ZHX2: variants seen among roughly 807,000 people sequenced by gnomAD.
ZHX2 encodes the protein zinc fingers and homeoboxes protein 2.
In ZHX2, 6 loss-of-function variants were observed where a neutral mutation model predicts 21.9. The ratio of observed to expected loss-of-function variants is 0.27; its 90% CI spans 0.15 to 0.54. The LOEUF (loss-of-function observed/expected upper bound fraction) is 0.54. ZHX2 is among the 20% of genes least tolerant of loss of function. The probability of loss-of-function intolerance (pLI) is 0.95; values close to 1 mark genes in which losing one functional copy is unlikely to be tolerated. For missense variants in ZHX2, 908 were observed against 1,090.7 expected (o/e 0.83, Z 2.36); for synonymous variants, 434 against 437.1 (o/e 0.99, Z 0.09).
In ZHX2 at chr8:122,828,752, A is replaced by G. The variant is rs1818312895; in HGVS notation, c.-282-34725A>G. 6.6e-6 allele frequency among the ~76,000 whole-genome samples: 1 copy of G among 152,166 alleles called. No individual in the cohort carries two copies. The highest frequency in any genetic ancestry group is 2.1e-4 in the South Asian group (1 of 4,820). ...GCAGGGCTGATGGATCGTGCCTGCA[A>G]AGGGGTTCTTGGAAGGCTCATTCTA... On this transcript the variant is annotated intron_variant, in intron 1 of 3. Transcript: ENST00000314393. The surrounding 1 kb of genome is among the most constrained non-coding windows in gnomAD (Gnocchi z 5.2).
intron 3 of ZHX2, among the ~76,000 whole-genome samples, chr8:122,969,586 GA>G (rs767764311): frequency 2.2e-4 from 34 of 152,118 alleles, no homozygotes; most frequent in Non-Finnish European, 4.3e-4. Flanking sequence ...CAACCAGAAA[GA>G]AAAGACGTTG....
At chr8:122,842,568 A>G (rs1270122379) in intron 1 of ZHX2, among the ~76,000 whole-genome samples, 1 of 152,160 alleles carries the variant, frequency 6.6e-6, no homozygotes, top group East Asian at 1.9e-4. Context: ...AGCCAGGGGC[A>G]TGGTGGCAGG....
intron 2 of ZHX2, among the ~76,000 whole-genome samples, chr8:122,910,464 G>A (rs772496589): frequency 1.3e-5 from 2 of 152,194 alleles, no homozygotes; most frequent in South Asian, 2.1e-4. Flanking sequence ...TGATGTATCC[G>A]TGAGTTGTGA....
intron 2 of ZHX2, among the ~76,000 whole-genome samples, chr8:122,910,931 G>T (rs983343092): frequency 5.3e-5 from 8 of 152,274 alleles, no homozygotes; most frequent in South Asian, 2.1e-4. Flanking sequence ...CCAGGCATGG[G>T]GCCCCTTCCA....
chr8:122,943,642 C>A (rs1270343809), intron 2 of ZHX2, among the ~76,000 whole-genome samples: 3 of 152,178 alleles, frequency 2.0e-5, no homozygotes, highest in Non-Finnish European at 4.4e-5. Context: ...GTGAAGAGCT[C>A]CCAGCATCTA....
At chr8:122,923,354 G>A (rs1481195644) in intron 2 of ZHX2, among the ~76,000 whole-genome samples, 1 of 152,214 alleles carries the variant, frequency 6.6e-6, no homozygotes, top group Non-Finnish European at 1.5e-5. Context: ...TGGGTAGGCT[G>A]AGCTTCCTCA....
chr8:122,916,517 T>G (rs1820607228), intron 2 of ZHX2, among the ~76,000 whole-genome samples: 1 of 152,140 alleles, frequency 6.6e-6, no homozygotes, highest in African/African-American at 2.4e-5. Flanking sequence ...TACCTAGAGG[T>G]ACTTTTTTGA....
chr8:122,955,078 G>GT lies in ZHX2; in HGVS notation c.*4+1050_*4+1051insT, dbSNP rs1030707669. Among the ~76,000 whole-genome samples, 24 of 144,802 alleles carry GT rather than the reference G, an allele frequency of 1.7e-4. 1 individual carries two copies. The highest frequency in any genetic ancestry group is 5.4e-4 in the African/African-American group (21 of 38,648). The allele number at this position is 144,802 out of a possible 152,430, so 95.0% of individuals were successfully genotyped here. A position where few individuals can be genotyped will look rare whatever the true frequency, so the allele number is the denominator to read the frequency against. On this transcript the variant is annotated intron_variant, in intron 3 of 3. Coordinates refer to ENST00000314393, the MANE Select transcript of ZHX2 (RefSeq NM_014943.5). ...GTAGAGTCACATAAGCCGGGGGGGGGGGGGTGGCAGGGCGGTTTCCATGGT... is the reference window on the plus strand; with the variant it reads ...GTAGAGTCACATAAGCCGGGGGGGGGTGGGGTGGCAGGGCGGTTTCCATGGT...
intron 1 of ZHX2, among the ~76,000 whole-genome samples, chr8:122,799,161 C>G (rs1249831735): frequency 1.3e-5 from 2 of 152,204 alleles, no homozygotes; most frequent in African/African-American, 4.8e-5. Context: ...TCACCACTCC[C>G]AGCCCTTTTG....
intron 2 of ZHX2, among the ~76,000 whole-genome samples, chr8:122,873,848 G>A (rs1191371579): frequency 6.6e-6 from 1 of 152,036 alleles, no homozygotes; most frequent in Non-Finnish European, 1.5e-5. Context: ...CTTAGCTCAG[G>A]GCCCCCTTCC....
chr8:122,875,741 C>T (rs894320484), intron 2 of ZHX2, among the ~76,000 whole-genome samples: 5 of 152,202 alleles, frequency 3.3e-5, no homozygotes, highest in African/African-American at 2.4e-5. Flanking sequence ...GTCCCCCGCC[C>T]GTGGTTACAC....
intron 1 of ZHX2, among the ~76,000 whole-genome samples, chr8:122,804,534 C>G (rs1817787202): frequency 6.6e-6 from 1 of 152,172 alleles, no homozygotes; most frequent in African/African-American, 2.4e-5. Flanking sequence ...AGTCTCCAGT[C>G]TCCTGGGAGG....
intron 2 of ZHX2, among the ~76,000 whole-genome samples, chr8:122,882,195 T>TG (rs1316481066): frequency 6.6e-6 from 1 of 152,082 alleles, no homozygotes; most frequent in African/African-American, 2.4e-5. Context: ...TCTCCCCCTC[T>TG]TTTTTTGGCC....
chr8:122,943,750 G>A (rs938901205), intron 2 of ZHX2, among the ~76,000 whole-genome samples: 1 of 152,172 alleles, frequency 6.6e-6, no homozygotes, highest in Admixed American at 6.5e-5. Context: ...TTGTTTAGCT[G>A]TCTGGTTTGA....
intron 2 of ZHX2, among the ~76,000 whole-genome samples, chr8:122,892,812 G>A (rs529851126): frequency 3.4e-4 from 52 of 152,284 alleles, no homozygotes; most frequent in African/African-American, 1.2e-3. Flanking sequence ...AGCCTCCCGA[G>A]TAGCTGGGAT....
intron 1 of ZHX2, among the ~76,000 whole-genome samples, chr8:122,857,420 G>A (rs1013405678): frequency 6.6e-6 from 1 of 151,980 alleles, no homozygotes; most frequent in Non-Finnish European, 1.5e-5. Flanking sequence ...TCTTCCTAGA[G>A]TGTCAGTTGT....
At chr8:122,918,957 A>AC (rs1338394734) in intron 2 of ZHX2, among the ~76,000 whole-genome samples, 1 of 152,024 alleles carries the variant, frequency 6.6e-6, no homozygotes, top group African/African-American at 2.4e-5. Flanking sequence ...AAAAAAAAAA[A>AC]AAAAAACTTT....
intron 1 of ZHX2, among the ~76,000 whole-genome samples, chr8:122,843,559 G>A (rs1168760979): frequency 2.6e-5 from 4 of 152,184 alleles, no homozygotes; most frequent in Non-Finnish European, 4.4e-5. Flanking sequence ...GGGACCCCTC[G>A]TGTAAACAGG....
chr8:122,853,117 GT>G (rs897337973), intron 1 of ZHX2, among the ~76,000 whole-genome samples: 1 of 152,060 alleles, frequency 6.6e-6, no homozygotes, highest in Non-Finnish European at 1.5e-5. Context: ...CTATCCCAGG[GT>G]TTTTTTGTAC....
Sources: gnomAD v4.1 joint callset for allele counts (sites outside exome capture counted in the v4.1 genomes callset) on GRCh38, gnomAD v4.1.1 for gene constraint, Gnocchi (gnomAD v3.1) non-coding constraint, MANE v1.5 for transcripts, NCBI Gene and HGNC (gene_info 2026-07-23, HGNC 2026-07-21) for gene names.